The following DEUP1 variants were observed in gnomAD, a reference collection of about 807,000 sequenced individuals.
DEUP1 encodes deuterosome assembly protein 1, also known as coiled-coil domain containing 67.
DEUP1 carries 82 observed loss-of-function variants against 87.4 expected under a neutral mutation model. The observed-to-expected ratio is 0.94, with a 90% confidence interval of 0.78 to 1.13. DEUP1 has a LOEUF of 1.13. DEUP1 is among the 50% of genes most tolerant of loss of function. The pLI is 0.00. For missense variants in DEUP1, 663 were observed against 681.5 expected (o/e 0.97, Z 0.30); for synonymous variants, 214 against 222.7 (o/e 0.96, Z 0.35).
chr11:93,388,962 C>A (rs72972364), intron 8 of DEUP1, 58 bp from the exon 9 acceptor site: 2 of 933,030 alleles, frequency 2.1e-6, no homozygotes, highest in Non-Finnish European at 3.3e-6. Context: ...ACAATATAAT[C>A]GTTACAATTT....
intron 11 of DEUP1, among the ~76,000 whole-genome samples, chr11:93,401,443 A>G (rs1351267951): frequency 6.6e-6 from 1 of 152,106 alleles, no homozygotes; most frequent in Non-Finnish European, 1.5e-5. Context: ...AAAAAAAACT[A>G]TTCTAAAATT....
intron 13 of DEUP1, among the ~76,000 whole-genome samples, chr11:93,415,505 G>A (rs929996887): frequency 2.6e-5 from 4 of 151,778 alleles, no homozygotes; most frequent in African/African-American, 9.7e-5. Context: ...TGCCGTAAGT[G>A]TAGACACAGG....
chr11:93,368,752 T>C (rs545383004), intron 5 of DEUP1, among the ~76,000 whole-genome samples: 1 of 151,880 alleles, frequency 6.6e-6, no homozygotes, highest in Non-Finnish European at 1.5e-5. Flanking sequence ...CTGACCAACA[T>C]GGTGAAATGC....
intron 7 of DEUP1, among the ~76,000 whole-genome samples, chr11:93,375,623 T>G (rs778699663): frequency 6.6e-6 from 1 of 152,214 alleles, no homozygotes; most frequent in African/African-American, 2.4e-5. Context: ...CCTGCATCCC[T>G]CATTTGAAAC....
rs368945081 is a variant in DEUP1 at position 93,366,515 on chromosome 11, G to GT, written c.432+2222dup. Among the ~76,000 whole-genome samples, 710 of 152,242 alleles carry GT rather than the reference G, an allele frequency of 4.7e-3. 3 individuals are homozygous for GT. The highest frequency in any genetic ancestry group is 0.016 in the African/African-American group (679 of 41,548). On this transcript the variant is annotated intron_variant, in intron 5 of 13. Transcript: ENST00000298050. ...ATCTACAGACCCTCTGAAGCCTATC[G>GT]TGACAACTCCAGTCTCTATAAAAAC...
chr11:93,381,011 T>C (rs1946280467), intron 7 of DEUP1, among the ~76,000 whole-genome samples: 1 of 152,214 alleles, frequency 6.6e-6, no homozygotes, highest in Non-Finnish European at 1.5e-5. Context: ...ATTTCTACTC[T>C]CAGGAAAACA....
At chr11:93,418,253 A>C (rs1215376206) in intron 13 of DEUP1, among the ~76,000 whole-genome samples, 2 of 152,006 alleles carry the variant, frequency 1.3e-5, no homozygotes, top group African/African-American at 2.4e-5. Flanking sequence ...CAACCTACAA[A>C]ATGGGAGAAA....
At chr11:93,336,257 G>C (rs1308665328) in intron 2 of DEUP1, among the ~76,000 whole-genome samples, 1 of 152,110 alleles carries the variant, frequency 6.6e-6, no homozygotes, top group Non-Finnish European at 1.5e-5. Context: ...AGAGAGAAGG[G>C]GGGAGTTGCA....
chr11:93,420,540 A>T (rs1224285880), intron 13 of DEUP1, among the ~76,000 whole-genome samples: 1 of 147,420 alleles, frequency 6.8e-6, no homozygotes, highest in Non-Finnish European at 1.5e-5. Flanking sequence ...CCTATTCAAC[A>T]TAGTGTTGGA....
chr11:93,358,111 T>C (rs1443035752), intron 4 of DEUP1, among the ~76,000 whole-genome samples: 2 of 152,226 alleles, frequency 1.3e-5, no homozygotes, highest in Non-Finnish European at 2.9e-5. Context: ...CAATCTGTAG[T>C]AGGTTTGAAA....
intron 13 of DEUP1, among the ~76,000 whole-genome samples, chr11:93,415,833 T>C (rs1363808497): frequency 6.6e-6 from 1 of 152,118 alleles, no homozygotes; most frequent in Non-Finnish European, 1.5e-5. Flanking sequence ...TGTTTCTCTA[T>C]ACTAATCTAT....
intron 2 of DEUP1, among the ~76,000 whole-genome samples, chr11:93,335,193 G>A (rs556816683): frequency 3.5e-4 from 51 of 144,420 alleles, no homozygotes; most frequent in African/African-American, 1.1e-3. Flanking sequence ...AATTTCAAGG[G>A]GCATTTAGTT....
At chr11:93,360,227 T>C (rs1565306066) in intron 4 of DEUP1, among the ~76,000 whole-genome samples, 2 of 152,186 alleles carry the variant, frequency 1.3e-5, no homozygotes, top group Non-Finnish European at 1.5e-5. Context: ...GCACCTCCCA[T>C]TGGATACCAA....
At chr11:93,409,278 A>C (rs1217582686) in intron 12 of DEUP1, among the ~76,000 whole-genome samples, 1 of 152,200 alleles carries the variant, frequency 6.6e-6, no homozygotes, top group East Asian at 1.9e-4. Context: ...ATGGAAAATC[A>C]TTATCGGCTG....
At chr11:93,357,361 T>G (rs1944948588) in intron 4 of DEUP1, 1 of 185,956 alleles carries the variant, frequency 5.4e-6, no homozygotes, top group Non-Finnish European at 1.1e-5. Context: ...ACAATTATTT[T>G]TTGTGGTTAT....
chr11:93,428,905 A>T lies in DEUP1; in HGVS notation c.1639-8638A>T, dbSNP rs2134496025. 2.0e-5 allele frequency among the ~76,000 whole-genome samples: 3 copies of T among 152,270 alleles called. No homozygotes were observed. In the South Asian group the frequency reaches 6.2e-4, roughly 32 times the overall value. On this transcript the variant is annotated intron_variant, in intron 13 of 13. Transcript: ENST00000298050. ...AACACATGGTAATATAGGCCTTTTT[A>T]AATTTAGCTATTATGGTCAGTGTGT... is the stretch of plus-strand genomic sequence containing the variant.
At chr11:93,430,830 T>G (rs1202032546) in intron 13 of DEUP1, among the ~76,000 whole-genome samples, 1 of 152,150 alleles carries the variant, frequency 6.6e-6, no homozygotes, top group Non-Finnish European at 1.5e-5. Flanking sequence ...GCGCTGTGGC[T>G]CATGCCTATA....
chr11:93,345,995 C>A (rs1370723826), intron 2 of DEUP1, among the ~76,000 whole-genome samples: 1 of 151,858 alleles, frequency 6.6e-6, no homozygotes, highest in East Asian at 1.9e-4. Flanking sequence ...TGGGGTTTTA[C>A]ATTTAAGTCT....
intron 13 of DEUP1, among the ~76,000 whole-genome samples, chr11:93,418,663 C>G (rs1378358684): frequency 6.6e-6 from 1 of 151,796 alleles, no homozygotes; most frequent in Non-Finnish European, 1.5e-5. Context: ...ACCATTTGAC[C>G]CAGCCATCCC....
Sources: gnomAD v4.1 joint callset for allele counts (sites outside exome capture counted in the v4.1 genomes callset) on GRCh38, gnomAD v4.1.1 for gene constraint, MANE v1.5 for transcripts, NCBI Gene and HGNC (gene_info 2026-07-23, HGNC 2026-07-21) for gene names.